Variants in RIN3 observed in about 807,000 individuals in gnomAD.
RIN3 encodes the protein Ras and Rab interactor 3.
A neutral mutation model predicts 76.3 loss-of-function variants in RIN3; 54 were observed. That is an observed-to-expected ratio of 0.71 (90% CI 0.57 to 0.89). RIN3 has a LOEUF of 0.89. Ranked by LOEUF, RIN3 falls within the 40% of genes least tolerant of loss-of-function variation. RIN3 has a pLI of 0.00. For synonymous variants in RIN3, 576 were observed against 564.0 expected, an observed-to-expected ratio of 1.02 and a Z score of -0.30; for missense variants, 1,256 against 1,322.1, an observed-to-expected ratio of 0.95 and a Z score of 0.78.
chr14:92,684,289 A>C (rs947908213), intron 8 of RIN3, among the ~76,000 whole-genome samples: 2 of 151,496 alleles, frequency 1.3e-5, no homozygotes, highest in African/African-American at 2.4e-5. Context: ...CTGAGGTAGG[A>C]GAATCGCTTG....
At chr14:92,675,053 A>T (rs1317934189) in intron 7 of RIN3, among the ~76,000 whole-genome samples, 2 of 152,198 alleles carry the variant, frequency 1.3e-5, no homozygotes, top group Non-Finnish European at 2.9e-5. Flanking sequence ...ATGAAGCCAC[A>T]TGTGAAAATT....
chr14:92,635,135 C>T lies in RIN3; in HGVS notation c.441-6103C>T, dbSNP rs201158601. Among the ~76,000 whole-genome samples, 9 of 152,274 alleles carry T rather than the reference C, an allele frequency of 5.9e-5. No individual in the cohort carries two copies. The East Asian group carries it at 1.4e-3, about 23-fold the overall frequency. The stretch of plus-strand genomic sequence containing the variant: ...TGGCATTTTCCAAGAACTAAGGACT[C>T]GGCATTTGGAGATGAATAAGCCGTG... On this transcript the variant is annotated intron_variant, in intron 4 of 9. Transcript: ENST00000216487.
At chr14:92,682,457 A>C (rs1367186602) in intron 8 of RIN3, among the ~76,000 whole-genome samples, 1 of 152,226 alleles carries the variant, frequency 6.6e-6, no homozygotes, top group African/African-American at 2.4e-5. Flanking sequence ...CAGGCGAAGC[A>C]CCTAGTAAGG....
chr14:92,529,336 C>A (rs1462809952), intron 1 of RIN3, among the ~76,000 whole-genome samples: 2 of 149,416 alleles, frequency 1.3e-5, no homozygotes, highest in African/African-American at 2.5e-5. Flanking sequence ...GCAACCTCCA[C>A]CTCCCCATTT....
intron 5 of RIN3, chr14:92,644,320 C>G (rs1887118244): frequency 6.6e-6 from 1 of 152,276 alleles, no homozygotes; most frequent in East Asian, 1.9e-4. Flanking sequence ...GGGGTTTAGT[C>G]ATCCCTAGGA....
At chr14:92,633,990 G>A (rs1033003653) in intron 4 of RIN3, among the ~76,000 whole-genome samples, 1 of 151,950 alleles carries the variant, frequency 6.6e-6, no homozygotes, top group African/African-American at 2.4e-5. Context: ...CCAGAGAGAG[G>A]TGCTGGCTCC....
chr14:92,664,739 C>G (rs896687839), intron 7 of RIN3, among the ~76,000 whole-genome samples: 2 of 152,128 alleles, frequency 1.3e-5, no homozygotes, highest in African/African-American at 4.8e-5. Context: ...AACTTACATA[C>G]ACCTGTGTCC....
rs539954245 is a variant in RIN3, at chr14:92,546,381, A to G, written c.45-9370A>G. The stretch of plus-strand genomic sequence containing the variant: ...TCTTTTTGCTGGGAACATTCGAACT[A>G]TTCTCTACTTGCTGTTTTGAAGTAT... On this transcript the variant is annotated intron_variant, in intron 1 of 9. Coordinates refer to ENST00000216487, the MANE Select transcript of RIN3 (RefSeq NM_024832.5). Among the ~76,000 whole-genome samples, 6 of 152,300 alleles carry G rather than the reference A, an allele frequency of 3.9e-5. No individual in the cohort carries two copies. In the East Asian group the frequency reaches 1.2e-3, roughly 29 times the overall value.
Position 92,652,822 on chromosome 14 carries a change from C to T in RIN3, c.1773C>T (p.Phe591=). 1 of 1,614,086 alleles carries T rather than the reference C, an allele frequency of 6.2e-7. No individual in the cohort carries two copies. Among genetic ancestry groups the T allele is most frequent in the Non-Finnish European group, 8.5e-7 (1 of 1,180,046 alleles). The change falls in exon 6 of 10, where the codon TTC becomes TTT. Residue 591 remains phenylalanine, a synonymous_variant. Transcript: ENST00000216487. This position sits in a 1 kb window ranked among gnomAD's most constrained non-coding sequence, Gnocchi z 6.4. ...GCTTTGCCAGTTTCAGCAGCATGTT[C>T]CACGCTTTCCTCTCCAACAACCGCA... is the stretch of plus-strand genomic sequence containing the variant. ...RLSFASFSSM[F]HAFLSNNRKL...
intron 7 of RIN3, among the ~76,000 whole-genome samples, chr14:92,660,838 C>T (rs1232688122): frequency 2.0e-5 from 3 of 152,200 alleles, no homozygotes; most frequent in South Asian, 4.1e-4. Flanking sequence ...CATCACTGCA[C>T]GATGGAGCAC....
chr14:92,629,030 G>A (rs971628996), intron 4 of RIN3, among the ~76,000 whole-genome samples: 4 of 152,076 alleles, frequency 2.6e-5, no homozygotes, highest in African/African-American at 4.8e-5. Context: ...ACATGGAAAC[G>A]CCTTAGTTTC....
intron 2 of RIN3, among the ~76,000 whole-genome samples, chr14:92,574,582 C>A (rs1235009048): frequency 6.6e-6 from 1 of 152,112 alleles, no homozygotes; most frequent in African/African-American, 2.4e-5. Flanking sequence ...GATTTGGGGG[C>A]TGCTTTTTGT....
chr14:92,611,378 C>T (rs1369271671), intron 3 of RIN3, among the ~76,000 whole-genome samples: 2 of 152,300 alleles, frequency 1.3e-5, no homozygotes, highest in East Asian at 3.9e-4. Context: ...CAGGTTCAAG[C>T]GATTCTCATG....
chr14:92,641,401 G>A, intron 5 of RIN3, 72 bp downstream of exon 5: 4 of 1,159,972 alleles, frequency 3.4e-6, no homozygotes, highest in East Asian at 4.8e-5. Context: ...TGCCCCAGGG[G>A]CCGCCTGTGC....
chr14:92,686,051 T>A (rs1228463465), intron 9 of RIN3: 3 of 152,234 alleles, frequency 2.0e-5, no homozygotes, highest in South Asian at 4.1e-4. Context: ...GGACTGGGTG[T>A]GTAAAAAAGG....
chr14:92,672,652 G>A (rs985090412), intron 7 of RIN3, among the ~76,000 whole-genome samples: 5 of 131,082 alleles, frequency 3.8e-5, no homozygotes, highest in African/African-American at 8.1e-5. Flanking sequence ...ATATATATAT[G>A]TGTGTGCATG....
intron 4 of RIN3, among the ~76,000 whole-genome samples, chr14:92,638,248 C>T (rs1886846917): frequency 6.6e-6 from 1 of 152,160 alleles, no homozygotes; most frequent in Admixed American, 6.5e-5. Flanking sequence ...GGGGCTATTC[C>T]CTCTATGCGT....
chr14:92,670,791 G>A (rs572548769), intron 7 of RIN3, among the ~76,000 whole-genome samples: 5 of 152,310 alleles, frequency 3.3e-5, no homozygotes, highest in Admixed American at 6.5e-5. Flanking sequence ...GCACCAGCTC[G>A]TGGGAGCTGG....
At chr14:92,654,759 G>A (rs751407870) in intron 6 of RIN3, among the ~76,000 whole-genome samples, 8 of 152,198 alleles carry the variant, frequency 5.3e-5, no homozygotes, top group Admixed American at 2.0e-4. Context: ...GAGTTATTGG[G>A]CACCCAACTC....
Sources: allele counts gnomAD v4.1 joint callset (sites outside exome capture counted in the v4.1 genomes callset), GRCh38; gene constraint gnomAD v4.1.1; non-coding constraint Gnocchi (gnomAD v3.1); transcripts MANE v1.5; gene names NCBI Gene and HGNC (gene_info 2026-07-23, HGNC 2026-07-21).